Variants in KCNE3 observed in about 807,000 individuals in gnomAD.
The protein encoded by KCNE3 is potassium voltage-gated channel subfamily E member 3.
KCNE3 carries 2 observed loss-of-function variants against 4.3 expected under a neutral mutation model. That is an observed-to-expected ratio of 0.47 (90% CI 0.19 to 1.48). The LOEUF is 1.48. KCNE3 is among the 40% of genes most tolerant of loss of function. The pLI is 0.25. For synonymous variants in KCNE3, 47 were observed against 52.0 expected (o/e 0.90, Z 0.41); for missense variants, 128 against 136.8 (o/e 0.94, Z 0.32).
rs762524567 is a variant in KCNE3, at chr11:74,457,534, C to A, written c.30G>T (p.Trp10Cys). The A allele has an allele frequency of 3.7e-6, 6 of 1,614,160 alleles. No individual in the cohort carries two copies. The South Asian group carries it at 5.5e-5, about 15-fold the overall frequency. METTNGTET[W>C]YESLHAVLKA... ...TCAGCACGGCATGCAGGCTCTCATA[C>A]CAGGTCTCCGTTCCATTGGTAGTCT... Residue 10 changes from tryptophan to cysteine, a missense_variant, in exon 3 of 3, where the codon TGG becomes TGT. Trp to Cys is a radical substitution (Grantham distance 215, BLOSUM62 -2). Transcript: ENST00000310128.
Position 74,467,392 on chromosome 11 carries a change from C to G in KCNE3, c.-190+6G>C, listed in dbSNP as rs1343299569. ...CTCAGCCTTCCCAGCTGGGTGGGTG[C>G]CTTACCTGCCTCTCAGCAAGGCTCC... On this transcript the variant is annotated splice_donor_region_variant and intron_variant, in intron 1 of 2. Transcript: ENST00000310128. This position sits in a 1 kb window ranked among gnomAD's most constrained non-coding sequence, Gnocchi z 4.4. 6.5e-6 allele frequency: 1 copy of G among 152,710 alleles called. No individual in the cohort carries two copies. The highest frequency in any genetic ancestry group is 1.5e-5 in the Non-Finnish European group (1 of 68,100). The allele number at this position is 152,710 out of a possible 1,614,324, so 9.5% of individuals were successfully genotyped here. A position where few individuals can be genotyped will look rare whatever the true frequency, so the allele number is the denominator to read the frequency against.
At position 74,457,151 on chromosome 11, in the gene KCNE3, G is replaced by T; in HGVS notation, c.*101C>A. 8.8e-7 allele frequency: 1 copy of T among 1,140,282 alleles called. No individual in the cohort carries two copies. Among genetic ancestry groups the T allele is most frequent in the Non-Finnish European group, 1.3e-6 (1 of 772,308 alleles). The allele number at this position is 1,140,282 out of a possible 1,614,324, so 70.6% of individuals were successfully genotyped here. A position where few individuals can be genotyped will look rare whatever the true frequency, so the allele number is the denominator to read the frequency against. On this transcript the variant is annotated 3_prime_UTR_variant, in exon 3 of 3. Coordinates refer to ENST00000310128, the MANE Select transcript of KCNE3 (RefSeq NM_005472.5). ...AACCGTGTTTCTTGTTGATCTTACA[G>T]ATAGGGACACTGAGACCTGATGCAG...
At chr11:74,459,476 A>T (rs533972294) in intron 2 of KCNE3, among the ~76,000 whole-genome samples, 1 of 151,914 alleles carries the variant, frequency 6.6e-6, no homozygotes, top group Non-Finnish European at 1.5e-5. Flanking sequence ...GTTAGCCAGG[A>T]TGGTCTCGAT....
Position 74,456,710 on chromosome 11 carries a change from A to G in KCNE3, c.*542T>C, listed in dbSNP as rs1249931311. On this transcript the variant is annotated 3_prime_UTR_variant, in exon 3 of 3. Transcript: ENST00000310128. ...GAGTTTTGAAAAGCACTAGGCAAGGAGACCAGAGTTCCTGGGTTCCAATCA... is the reference window on the plus strand; with the variant it reads ...GAGTTTTGAAAAGCACTAGGCAAGGGGACCAGAGTTCCTGGGTTCCAATCA... 1.2e-5 allele frequency: 2 copies of G among 162,734 alleles called. No homozygotes were observed. The highest frequency in any genetic ancestry group is 4.8e-5 in the African/African-American group (2 of 41,572). The allele number at this position is 162,734 out of a possible 1,614,324, so 10.1% of individuals were successfully genotyped here. A position where few individuals can be genotyped will look rare whatever the true frequency, so the allele number is the denominator to read the frequency against.
chr11:74,465,907 A>G (rs569277298), intron 1 of KCNE3, among the ~76,000 whole-genome samples: 1 of 152,174 alleles, frequency 6.6e-6, no homozygotes, highest in Admixed American at 6.5e-5. Flanking sequence ...TACCAAGAAC[A>G]ACCATCTCTG....
At chr11:74,462,592 C>T (rs554415144) in intron 1 of KCNE3, among the ~76,000 whole-genome samples, 3 of 152,298 alleles carry the variant, frequency 2.0e-5, no homozygotes, top group African/African-American at 4.8e-5. Flanking sequence ...GATATGAACA[C>T]GGTCACAGAA....
intron 2 of KCNE3, among the ~76,000 whole-genome samples, chr11:74,458,613 C>A (rs1287753401): frequency 1.3e-5 from 2 of 152,068 alleles, no homozygotes; most frequent in Non-Finnish European, 2.9e-5. Flanking sequence ...CGGGTGGGAT[C>A]ACTTGAGATC....
intron 2 of KCNE3, among the ~76,000 whole-genome samples, chr11:74,458,345 G>C (rs1012120653): frequency 3.5e-4 from 54 of 152,180 alleles, no homozygotes; most frequent in African/African-American, 1.3e-3. Flanking sequence ...TTTATACACA[G>C]GGAAACTGAG....
chr11:74,460,422 GC>G (rs1565461307), intron 2 of KCNE3, among the ~76,000 whole-genome samples: 1 of 152,180 alleles, frequency 6.6e-6, no homozygotes, highest in Non-Finnish European at 1.5e-5. Context: ...CAGTGCCTTC[GC>G]CCAGGGGCTC....
chr11:74,458,431 T>G (rs1278532979), intron 2 of KCNE3, among the ~76,000 whole-genome samples: 1 of 152,226 alleles, frequency 6.6e-6, no homozygotes, highest in Non-Finnish European at 1.5e-5. Context: ...CCCTGCTCTT[T>G]GTGGCTAGCT....
chr11:74,456,155 A>ATATATATATATATAT lies in KCNE3; in HGVS notation c.*1096_*1097insATATATATATATATA. 1 of 113,120 alleles carries ATATATATATATATAT rather than the reference A, an allele frequency of 8.8e-6. No individual in the cohort carries two copies. Among genetic ancestry groups the ATATATATATATATAT allele is most frequent in the South Asian group, 3.1e-4 (1 of 3,278 alleles). The allele number at this position is 113,120 out of a possible 1,614,324, so 7.0% of individuals were successfully genotyped here. A position where few individuals can be genotyped will look rare whatever the true frequency, so the allele number is the denominator to read the frequency against. ...ACATGTGAAACCCTGTCTCTACTTA[A>ATATATATATATATAT]ATATATATATATATATATATATATA... On this transcript the variant is annotated 3_prime_UTR_variant, in exon 3 of 3. Coordinates refer to ENST00000310128, the MANE Select transcript of KCNE3 (RefSeq NM_005472.5).
At chr11:74,465,513 C>G (rs1349717374) in intron 1 of KCNE3, among the ~76,000 whole-genome samples, 2 of 152,080 alleles carry the variant, frequency 1.3e-5, no homozygotes, top group Admixed American at 6.5e-5. Context: ...ACATTCTTGG[C>G]CTCAAAACAC....
rs113583236 is a variant in KCNE3 at position 74,456,155 on chromosome 11, A to AATATATATATATATATATATATATAT, written c.*1096_*1097insATATATATATATATATATATATATAT. 2.4e-3 allele frequency: 275 copies of AATATATATATATATATATATATATAT among 113,046 alleles called. 5 individuals carry two copies. Among genetic ancestry groups the AATATATATATATATATATATATATAT allele is most frequent in the Middle Eastern group, 4.8e-3 (1 of 210 alleles). The allele number at this position is 113,046 out of a possible 1,614,324, so 7.0% of individuals were successfully genotyped here. The stretch of plus-strand genomic sequence containing the variant: ...ACATGTGAAACCCTGTCTCTACTTA[A>AATATATATATATATATATATATATAT]ATATATATATATATATATATATATA... On this transcript the variant is annotated 3_prime_UTR_variant, in exon 3 of 3. Transcript: ENST00000310128.
intron 2 of KCNE3, 29 bp from the exon 3 acceptor site, chr11:74,457,632 T>G: frequency 1.4e-6 from 2 of 1,395,880 alleles, no homozygotes; most frequent in African/African-American, 1.4e-5. Flanking sequence ...AGAGAGGGGA[T>G]GGCTCTGTCA....
intron 1 of KCNE3, among the ~76,000 whole-genome samples, chr11:74,466,916 C>G (rs1290131459): frequency 6.6e-6 from 1 of 152,180 alleles, no homozygotes. Context: ...ACCAGGTTTC[C>G]CGGGACTAGG....
At chr11:74,465,384 G>A (rs1864039974) in intron 1 of KCNE3, among the ~76,000 whole-genome samples, 2 of 152,282 alleles carry the variant, frequency 1.3e-5, no homozygotes, top group African/African-American at 4.8e-5. Context: ...GGAAGGGATG[G>A]CTCAAAGAAA....
At position 74,461,380 on chromosome 11, in the gene KCNE3, C is replaced by T. The variant is rs139562143; in HGVS notation, c.-41+575G>A. ...CTGTGGTGCCTCACTCCTTTAATCC[C>T]GGTACTTTGGGAGGCTGAGGCCAGT... On this transcript the variant is annotated intron_variant, in intron 2 of 2. Transcript: ENST00000310128. 2.5e-3 allele frequency among the ~76,000 whole-genome samples: 374 copies of T among 151,890 alleles called. 1 individual carries two copies. Among genetic ancestry groups the T allele is most frequent in the African/African-American group, 6.7e-3 (277 of 41,352 alleles).
At chr11:74,466,987 C>T (rs902175164) in intron 1 of KCNE3, among the ~76,000 whole-genome samples, 3 of 152,210 alleles carry the variant, frequency 2.0e-5, no homozygotes, top group Non-Finnish European at 2.9e-5. Flanking sequence ...CTCCGCAGAG[C>T]CGGTGGCTCC....
In KCNE3 at chr11:74,457,603, T is replaced by C. The variant is rs770147077; in HGVS notation, c.-40A>G. 6.3e-7 allele frequency: 1 copy of C among 1,590,414 alleles called. No individual in the cohort carries two copies. Among genetic ancestry groups the C allele is most frequent in the South Asian group, 1.1e-5 (1 of 90,430 alleles). On this transcript the variant is annotated splice_region_variant and 5_prime_UTR_variant, in exon 3 of 3. Coordinates refer to ENST00000310128, the MANE Select transcript of KCNE3 (RefSeq NM_005472.5). ...AGGTGGGGGAAGACTCGGTAGAAGC[T>C]CTGGTGGCAAAAGAAAAGAGAGAGG...
Sources: allele counts gnomAD v4.1 joint callset (sites outside exome capture counted in the v4.1 genomes callset), GRCh38; gene constraint gnomAD v4.1.1; non-coding constraint Gnocchi (gnomAD v3.1); transcripts MANE v1.5; gene names NCBI Gene and HGNC (gene_info 2026-07-23, HGNC 2026-07-21).